CA10: variants seen among roughly 807,000 people sequenced by gnomAD.
CA10 encodes carbonic anhydrase-related protein 10.
In CA10, 14 loss-of-function variants were observed where a neutral mutation model predicts 44.2. The observed-to-expected ratio is 0.32, with a 90% confidence interval of 0.21 to 0.50. The LOEUF is 0.50. Among genes scored for constraint, CA10 ranks in the 20% least tolerant of loss-of-function variants. The pLI, the probability that CA10 is intolerant of heterozygous loss-of-function variation, is 0.99. For synonymous variants in CA10, 159 were observed against 141.6 expected, an observed-to-expected ratio of 1.12 and a Z score of -0.87; for missense variants, 350 against 409.7, an observed-to-expected ratio of 0.85 and a Z score of 1.26.
At chr17:51,955,691 G>T (rs1441084161) in intron 2 of CA10, among the ~76,000 whole-genome samples, 1 of 152,040 alleles carries the variant, frequency 6.6e-6, no homozygotes. Flanking sequence ...TGGTTCTTTT[G>T]ATTAGACCTA....
At chr17:52,028,783 T>C (rs369786905) in intron 2 of CA10, among the ~76,000 whole-genome samples, 1 of 152,190 alleles carries the variant, frequency 6.6e-6, no homozygotes, top group Non-Finnish European at 1.5e-5. Flanking sequence ...ACTTCTCTAA[T>C]GCAAACCCAC....
At chr17:51,718,770 G>C (rs1169371935) in intron 4 of CA10, among the ~76,000 whole-genome samples, 1 of 152,160 alleles carries the variant, frequency 6.6e-6, no homozygotes, top group African/African-American at 2.4e-5. Flanking sequence ...TTGAATAAGA[G>C]AATACCCAGC....
chr17:51,679,249 A>AAT (rs1914740070), intron 4 of CA10, among the ~76,000 whole-genome samples: 1 of 147,510 alleles, frequency 6.8e-6, no homozygotes, highest in Non-Finnish European at 1.5e-5. Flanking sequence ...AGGGTCTGAG[A>AAT]CTGTTTTTCT....
chr17:51,770,940 A>G (rs1433397149), intron 3 of CA10, among the ~76,000 whole-genome samples: 1 of 151,858 alleles, frequency 6.6e-6, no homozygotes, highest in African/African-American at 2.4e-5. Flanking sequence ...CCTGGCCAAC[A>G]TGGTGAAACC....
chr17:52,048,049 A>T (rs1307483532), intron 2 of CA10, among the ~76,000 whole-genome samples: 3 of 151,800 alleles, frequency 2.0e-5, no homozygotes, highest in African/African-American at 4.8e-5. Flanking sequence ...AAAATTAAAA[A>T]AAAAAAAAAC....
intron 3 of CA10, among the ~76,000 whole-genome samples, chr17:51,903,906 T>C (rs1168810004): frequency 6.6e-6 from 1 of 152,102 alleles, no homozygotes; most frequent in Non-Finnish European, 1.5e-5. Context: ...GAAAATTTTC[T>C]GGGTTCCCTG....
intron 3 of CA10, among the ~76,000 whole-genome samples, chr17:51,787,942 T>C (rs565583862): frequency 1.3e-5 from 2 of 152,334 alleles, no homozygotes. Flanking sequence ...ATTGTTTTCA[T>C]TTCAATTTCA....
intron 2 of CA10, among the ~76,000 whole-genome samples, chr17:51,978,379 T>C (rs1984532929): frequency 6.7e-6 from 1 of 149,300 alleles, no homozygotes; most frequent in Non-Finnish European, 1.5e-5. Flanking sequence ...TGTGTGTGTC[T>C]GTATGTGTGT....
intron 1 of CA10, among the ~76,000 whole-genome samples, chr17:52,098,893 G>A (rs984960657): frequency 4.6e-5 from 7 of 152,196 alleles, no homozygotes; most frequent in Middle Eastern, 3.2e-3. Context: ...CAAATAGTGC[G>A]TGAGCATTCG....
intron 4 of CA10, among the ~76,000 whole-genome samples, chr17:51,656,810 A>G (rs1385004615): frequency 6.6e-6 from 1 of 152,182 alleles, no homozygotes; most frequent in African/African-American, 2.4e-5. Context: ...AAAGTTTCAG[A>G]AGTGCTGCTA....
intron 3 of CA10, among the ~76,000 whole-genome samples, chr17:51,916,107 A>T (rs1567883923): frequency 1.3e-5 from 2 of 148,190 alleles, no homozygotes; most frequent in Admixed American, 1.4e-4. Flanking sequence ...TATTTCCAGC[A>T]TGCATTCACA....
chr17:51,823,849 A>G (rs2143769368), intron 3 of CA10, among the ~76,000 whole-genome samples: 1 of 152,324 alleles, frequency 6.6e-6, no homozygotes, highest in South Asian at 2.1e-4. Flanking sequence ...TAATTAGGCT[A>G]TGTTAGGCAT....
At chr17:52,159,238 AC>A (rs1260687235), upstream of CA10, 4 of 150,242 alleles carry the variant, frequency 2.7e-5, no homozygotes, top group African/African-American at 9.9e-5. Context: ...CCCACCCTTT[AC>A]CCCTTTCCGT....
intron 2 of CA10, among the ~76,000 whole-genome samples, chr17:52,020,131 C>CT (rs779727531): frequency 6.6e-6 from 1 of 151,836 alleles, no homozygotes; most frequent in Non-Finnish European, 1.5e-5. Context: ...TGGATTGACC[C>CT]TTTTATCATT....
intron 3 of CA10, among the ~76,000 whole-genome samples, chr17:51,811,721 T>C (rs1472609841): frequency 2.6e-5 from 4 of 152,224 alleles, no homozygotes; most frequent in African/African-American, 7.2e-5. Flanking sequence ...GTCTTTGCTA[T>C]TGTGAATAGT....
intron 6 of CA10, among the ~76,000 whole-genome samples, chr17:51,646,355 C>T (rs969438462): frequency 6.6e-6 from 1 of 152,124 alleles, no homozygotes; most frequent in African/African-American, 2.4e-5. Flanking sequence ...TCCTGGGGCT[C>T]AGCACGTTGC....
intron 2 of CA10, among the ~76,000 whole-genome samples, chr17:52,033,765 T>A (rs917009752): frequency 3.9e-5 from 6 of 152,176 alleles, no homozygotes; most frequent in African/African-American, 1.4e-4. Context: ...CTACTGTACA[T>A]AATGCTGCAA....
At chr17:51,777,896 C>A (rs997282304) in intron 3 of CA10, among the ~76,000 whole-genome samples, 3 of 152,170 alleles carry the variant, frequency 2.0e-5, no homozygotes, top group Non-Finnish European at 2.9e-5. Flanking sequence ...TGTGCCACTG[C>A]ACTCTAGCCT....
At chr17:52,128,974 C>T (rs1416049812) in intron 1 of CA10, among the ~76,000 whole-genome samples, 5 of 152,270 alleles carry the variant, frequency 3.3e-5, no homozygotes, top group South Asian at 2.1e-4. Flanking sequence ...CAGTTAGACC[C>T]AGCATCTTGA....
Sources: gnomAD v4.1 joint callset for allele counts (sites outside exome capture counted in the v4.1 genomes callset) on GRCh38, gnomAD v4.1.1 for gene constraint, MANE v1.5 for transcripts, NCBI Gene and HGNC (gene_info 2026-07-23, HGNC 2026-07-21) for gene names.